Variants in ADAMTS3 observed in about 807,000 individuals in gnomAD.
ADAMTS3 encodes the protein ADAM metallopeptidase with thrombospondin type 1 motif 3, also known as A disintegrin and metalloproteinase with thrombospondin motifs 3.
A neutral mutation model predicts 129.0 loss-of-function variants in ADAMTS3; 73 were observed. The ratio of observed to expected loss-of-function variants is 0.57; its 90% CI spans 0.47 to 0.69. The LOEUF is 0.69. ADAMTS3 is among the 30% of genes least tolerant of loss of function. ADAMTS3 has a pLI of 0.00. For synonymous variants in ADAMTS3, 477 were observed against 510.8 expected (o/e 0.93, Z 0.89); for missense variants, 1,457 against 1,514.5 (o/e 0.96, Z 0.63).
chr4:72,529,733 A>G (rs1203467662), intron 3 of ADAMTS3, among the ~76,000 whole-genome samples: 1 of 96,184 alleles, frequency 1.0e-5, no homozygotes, highest in Non-Finnish European at 2.0e-5. Flanking sequence ...TAATTAATAT[A>G]TATTTATTTA....
chr4:72,558,706 C>T (rs1003756753), intron 2 of ADAMTS3, among the ~76,000 whole-genome samples: 2 of 151,630 alleles, frequency 1.3e-5, no homozygotes, highest in African/African-American at 2.4e-5. Flanking sequence ...TGATGTGTGA[C>T]TCTTCAGCAT....
rs1560501299 is a variant in ADAMTS3 at position 72,399,826 on chromosome 4, C to CATACACACACGGTGTGTACGCATAT, written c.661+14988_661+14989insATATGCGTACACACCGTGTGTGTAT. Among the ~76,000 whole-genome samples the CATACACACACGGTGTGTACGCATAT allele has an allele frequency of 7.8e-3, 27 of 3,482 alleles. 3 individuals carry two copies. The highest frequency in any genetic ancestry group is 0.012 in the Non-Finnish European group (17 of 1,412). The allele number at this position is 3,482 out of a possible 152,430, so 2.3% of individuals were successfully genotyped here. On this transcript the variant is annotated intron_variant, in intron 4 of 21. Transcript: ENST00000286657. The stretch of plus-strand genomic sequence containing the variant: ...TATATACACACACGGTGTGTATATA[C>CATACACACACGGTGTGTACGCATAT]GTGTGTATATATATACACACACGGT...
chr4:72,503,923 C>A (rs546120374), intron 3 of ADAMTS3, among the ~76,000 whole-genome samples: 2 of 152,160 alleles, frequency 1.3e-5, no homozygotes, highest in African/African-American at 4.8e-5. Context: ...CTTATCCCTG[C>A]TCTTTGTTGT....
chr4:72,501,862 T>C (rs1219502514), intron 3 of ADAMTS3, among the ~76,000 whole-genome samples: 3 of 152,172 alleles, frequency 2.0e-5, no homozygotes, highest in Non-Finnish European at 4.4e-5. Flanking sequence ...CCACATCTAT[T>C]GAGATGATCG....
chr4:72,395,732 T>C (rs1044405025), intron 4 of ADAMTS3, among the ~76,000 whole-genome samples: 1 of 152,112 alleles, frequency 6.6e-6, no homozygotes, highest in Non-Finnish European at 1.5e-5. Flanking sequence ...TTTATTACAG[T>C]CTTGAAAATT....
intron 2 of ADAMTS3, among the ~76,000 whole-genome samples, chr4:72,551,840 T>C (rs1257623775): frequency 6.6e-6 from 1 of 152,202 alleles, no homozygotes; most frequent in African/African-American, 2.4e-5. Flanking sequence ...CACTTCTGAA[T>C]AGATGGAGCA....
intron 4 of ADAMTS3, among the ~76,000 whole-genome samples, chr4:72,347,061 T>C (rs1374684982): frequency 1.3e-5 from 2 of 152,122 alleles, no homozygotes; most frequent in African/African-American, 4.8e-5. Context: ...AGCTGGAAAC[T>C]GGAGGAATAT....
Position 72,282,973 on chromosome 4 carries a change from T to C in ADAMTS3, c.*163A>G. 3 of 589,200 alleles carry C rather than the reference T, an allele frequency of 5.1e-6. No homozygotes were observed. The highest frequency in any genetic ancestry group is 2.9e-5 in the East Asian group (1 of 34,510). 36.5% of individuals were successfully genotyped at this position (589,200 alleles called of 1,614,324 possible). A position where few individuals can be genotyped will look rare whatever the true frequency, so the allele number is the denominator to read the frequency against. On this transcript the variant is annotated 3_prime_UTR_variant, in exon 22 of 22. Transcript: ENST00000286657. ...GAGTCAATGCAGAACAAAAGGAGGA[T>C]GAAAGCAACTAGAAAGTGAGCCAGC...
chr4:72,304,133 T>C, intron 16 of ADAMTS3, 53 bp from the exon 17 acceptor site: 1 of 1,541,012 alleles, frequency 6.5e-7, no homozygotes, highest in Non-Finnish European at 8.9e-7. Context: ...TCATATTAAG[T>C]GCTGAAGATT....
In ADAMTS3 at chr4:72,281,576, T is replaced by C. The variant is rs1718343125; in HGVS notation, c.*1560A>G. The C allele has an allele frequency of 6.6e-6, 1 of 152,184 alleles. No homozygotes were observed. The allele number at this position is 152,184 out of a possible 1,614,324, so 9.4% of individuals were successfully genotyped here. A position where few individuals can be genotyped will look rare whatever the true frequency, so the allele number is the denominator to read the frequency against. ...TTCATTGAACAGCTAGCTGAGTCCA[T>C]ACAATTTAATGTTTCCTTGAAGGGA... On this transcript the variant is annotated 3_prime_UTR_variant, in exon 22 of 22. Transcript: ENST00000286657.
At chr4:72,287,528 A>C (rs1352922305) in intron 21 of ADAMTS3, among the ~76,000 whole-genome samples, 1 of 151,686 alleles carries the variant, frequency 6.6e-6, no homozygotes, top group Non-Finnish European at 1.5e-5. Context: ...AGCCAGGAAG[A>C]GGCAGGAGGA....
chr4:72,416,512 T>G (rs1008027279), intron 3 of ADAMTS3, among the ~76,000 whole-genome samples: 7 of 152,152 alleles, frequency 4.6e-5, no homozygotes, highest in African/African-American at 1.7e-4. Context: ...ACCTCTAGCT[T>G]TCACTTAAAA....
At chr4:72,309,360 GAGA>G (rs1408514648) in intron 15 of ADAMTS3, 34 bp downstream of exon 15, 4 of 1,602,394 alleles carry the variant, frequency 2.5e-6, no homozygotes, top group Non-Finnish European at 3.4e-6. Flanking sequence ...ACAAATCACA[GAGA>G]AGAATACTAA....
intron 4 of ADAMTS3, among the ~76,000 whole-genome samples, chr4:72,365,428 T>A (rs544831688): frequency 6.6e-6 from 1 of 152,222 alleles, no homozygotes; most frequent in African/African-American, 2.4e-5. Context: ...ATTATCAGTA[T>A]AATCAAGCTG....
intron 4 of ADAMTS3, among the ~76,000 whole-genome samples, chr4:72,348,096 G>A (rs1237769851): frequency 6.6e-6 from 1 of 151,922 alleles, no homozygotes; most frequent in Non-Finnish European, 1.5e-5. Flanking sequence ...TTTATTCTGT[G>A]AGATAAATAT....
intron 21 of ADAMTS3, among the ~76,000 whole-genome samples, chr4:72,285,050 C>A (rs986444810): frequency 2.0e-5 from 3 of 152,166 alleles, no homozygotes; most frequent in Non-Finnish European, 4.4e-5. Context: ...AAAGTTACAG[C>A]CTATTATTGG....
At chr4:72,487,802 T>C (rs1719630650) in intron 3 of ADAMTS3, among the ~76,000 whole-genome samples, 1 of 152,044 alleles carries the variant, frequency 6.6e-6, no homozygotes, top group Non-Finnish European at 1.5e-5. Flanking sequence ...GGAGTAGCTA[T>C]GATCAAATAC....
intron 3 of ADAMTS3, among the ~76,000 whole-genome samples, chr4:72,441,088 G>A (rs2109960102): frequency 6.6e-6 from 1 of 151,722 alleles, no homozygotes; most frequent in African/African-American, 2.4e-5. Context: ...CCTTCCCCAG[G>A]CAACCACTTC....
chr4:72,311,077 A>G lies in ADAMTS3; in HGVS notation c.2026T>C (p.Tyr676His), dbSNP rs775411858. Residue 676 changes from tyrosine to histidine, a missense_variant, in exon 14 of 22, where the codon TAT becomes CAT. Physicochemically the swap from Tyr to His is moderately conservative, Grantham distance 83 (BLOSUM62 2). Coordinates refer to ENST00000286657, the MANE Select transcript of ADAMTS3 (RefSeq NM_014243.3). ...DGTHCSYKDP[Y>H]SICVRGECVK... ...CACTCTCCTCGCACACATATGCTATATGGATCTTTGTAAGAACAGTGCGTT... is the reference window on the plus strand; with the variant it reads ...CACTCTCCTCGCACACATATGCTATGTGGATCTTTGTAAGAACAGTGCGTT... The G allele has an allele frequency of 6.2e-7, 1 of 1,611,476 alleles. No individual in the cohort carries two copies. The highest frequency in any genetic ancestry group is 1.1e-5 in the South Asian group (1 of 90,754).
Sources: gnomAD v4.1 joint callset for allele counts (sites outside exome capture counted in the v4.1 genomes callset) on GRCh38, gnomAD v4.1.1 for gene constraint, MANE v1.5 for transcripts, NCBI Gene and HGNC (gene_info 2026-07-23, HGNC 2026-07-21) for gene names.